WWOX: variants seen among roughly 807,000 people sequenced by gnomAD.
WWOX encodes the protein WW domain-containing oxidoreductase.
Under a neutral mutation model 46.2 loss-of-function variants are expected in WWOX, and 69 were observed. The observed-to-expected ratio is 1.49, with a 90% CI of 1.23 to 1.82. WWOX has a LOEUF of 1.82. Ranked by LOEUF, WWOX falls within the 40% of genes most tolerant of loss-of-function variation. WWOX has a pLI of 0.00. For missense variants in WWOX, 919 were observed against 542.6 expected, an observed-to-expected ratio of 1.69 and a Z score of -6.89; for synonymous variants, 359 against 202.6, an observed-to-expected ratio of 1.77 and a Z score of -6.56.
chr16:78,366,969 ATTTTTTTTTTTTTTTT>A (rs544239767), intron 5 of WWOX, among the ~76,000 whole-genome samples: 1 of 74,260 alleles, frequency 1.3e-5, no homozygotes, highest in African/African-American at 5.9e-5. Flanking sequence ...CAAAAGTTAC[ATTTTTTTTTTTTTTTT>A]TTTTTTTTTT....
intron 8 of WWOX, chr16:78,891,139 C>T (rs1384778458): frequency 6.6e-6 from 1 of 152,108 alleles, no homozygotes. Context: ...TTGTTTAAAT[C>T]TTCCTTTAGT....
intron 8 of WWOX, among the ~76,000 whole-genome samples, chr16:79,103,021 C>T (rs899097761): frequency 1.1e-4 from 16 of 152,126 alleles, no homozygotes; most frequent in Non-Finnish European, 1.3e-4. Flanking sequence ...CTTCCCTCTT[C>T]TTTGTGTCCT....
At chr16:78,485,370 C>T (rs72799963) in intron 8 of WWOX, among the ~76,000 whole-genome samples, 17,989 of 152,028 alleles carry the variant, frequency 0.12, 1,162 homozygotes, top group African/African-American at 0.18. Flanking sequence ...TTTTGACTCC[C>T]TAAGGAACCC....
At chr16:78,989,879 G>A (rs1241066419) in intron 8 of WWOX, among the ~76,000 whole-genome samples, 1 of 148,412 alleles carries the variant, frequency 6.7e-6, no homozygotes, top group Non-Finnish European at 1.5e-5. Flanking sequence ...AGAGACAGAT[G>A]GAGGGAAAGA....
chr16:78,279,512 T>C (rs2079639220), intron 5 of WWOX, among the ~76,000 whole-genome samples: 1 of 152,212 alleles, frequency 6.6e-6, no homozygotes, highest in African/African-American at 2.4e-5. Context: ...TTCAATTTCT[T>C]CAGTTTGAAA....
In WWOX at chr16:78,985,542, GA is replaced by G. The variant is rs1405528860; in HGVS notation, c.1057-226065del. Among the ~76,000 whole-genome samples, 4 of 152,200 alleles carry G rather than the reference GA, an allele frequency of 2.6e-5. No individual in the cohort carries two copies. In the East Asian group the frequency reaches 7.7e-4, roughly 29 times the overall value. Reference sequence around the variant, plus strand: ...CCAGAACGTTGGGAGGCCAAGGTGGGAGGATCACTTGAAGTCAGGAGTTTCA... The same window carrying G: ...CCAGAACGTTGGGAGGCCAAGGTGGGGGATCACTTGAAGTCAGGAGTTTCA... On this transcript the variant is annotated intron_variant, in intron 8 of 8. Coordinates refer to ENST00000566780, the MANE Select transcript of WWOX (RefSeq NM_016373.4).
chr16:78,950,725 C>G (rs182228079), intron 8 of WWOX, among the ~76,000 whole-genome samples: 2 of 152,124 alleles, frequency 1.3e-5, no homozygotes, highest in African/African-American at 4.8e-5. Context: ...TAGACACTCA[C>G]GGTGATAAAA....
intron 5 of WWOX, among the ~76,000 whole-genome samples, chr16:78,203,509 G>C (rs1218792125): frequency 6.6e-6 from 1 of 152,120 alleles, no homozygotes; most frequent in African/African-American, 2.4e-5. Context: ...GGAGATATTC[G>C]ATATGTTTTT....
chr16:78,274,070 A>G (rs1330847657), intron 5 of WWOX, among the ~76,000 whole-genome samples: 1 of 152,036 alleles, frequency 6.6e-6, no homozygotes. Context: ...AAACAAATAC[A>G]CTCCCAAAAC....
intron 8 of WWOX, among the ~76,000 whole-genome samples, chr16:78,872,371 C>G (rs774331651): frequency 6.6e-6 from 1 of 152,066 alleles, no homozygotes; most frequent in Admixed American, 6.5e-5. Flanking sequence ...ATAATTAAAG[C>G]TATTACTAAC....
In WWOX at chr16:78,617,998, G is replaced by A. The variant is rs115443001; in HGVS notation, c.1056+185246G>A. 1.4e-3 allele frequency among the ~76,000 whole-genome samples: 217 copies of A among 152,232 alleles called. 1 individual carries two copies. Among genetic ancestry groups the A allele is most frequent in the African/African-American group, 5.0e-3 (209 of 41,534 alleles). On this transcript the variant is annotated intron_variant, in intron 8 of 8. Transcript: ENST00000566780. The stretch of plus-strand genomic sequence containing the variant: ...CATATGAATAATGTTAACAATTAGT[G>A]TTTATTGAGCACCTGCTATGAGCCA...
chr16:78,412,876 G>A (rs1040141621), intron 6 of WWOX, among the ~76,000 whole-genome samples: 1 of 152,206 alleles, frequency 6.6e-6, no homozygotes, highest in African/African-American at 2.4e-5. Flanking sequence ...AGAGAGACGA[G>A]TGCAACCTGC....
At chr16:79,196,705 C>T (rs891063812) in intron 8 of WWOX, among the ~76,000 whole-genome samples, 1 of 152,074 alleles carries the variant, frequency 6.6e-6, no homozygotes, top group Non-Finnish European at 1.5e-5. Context: ...GATCCTGTCT[C>T]CCCCAATGAG....
intron 5 of WWOX, among the ~76,000 whole-genome samples, chr16:78,178,548 C>T (rs532811852): frequency 8.7e-4 from 133 of 152,262 alleles, no homozygotes; most frequent in African/African-American, 3.0e-3. Flanking sequence ...CTTTCATACC[C>T]GGAATTCGCA....
chr16:78,251,488 G>C (rs1340160926), intron 5 of WWOX, among the ~76,000 whole-genome samples: 3 of 152,128 alleles, frequency 2.0e-5, no homozygotes. Context: ...GCGTCTCTCA[G>C]CTTCTCCTCT....
At chr16:78,207,448 G>A (rs2036428820) in intron 5 of WWOX, among the ~76,000 whole-genome samples, 1 of 151,254 alleles carries the variant, frequency 6.6e-6, no homozygotes, top group Non-Finnish European at 1.5e-5. Flanking sequence ...TTATCTAAGA[G>A]GGCTTGTCTT....
intron 6 of WWOX, among the ~76,000 whole-genome samples, chr16:78,417,799 A>G (rs1002762493): frequency 2.6e-5 from 4 of 152,166 alleles, no homozygotes; most frequent in African/African-American, 9.7e-5. Context: ...CTATTGAGGG[A>G]CTGTGTATTG....
intron 8 of WWOX, among the ~76,000 whole-genome samples, chr16:78,814,376 A>G (rs2051276149): frequency 2.0e-5 from 3 of 152,186 alleles, no homozygotes; most frequent in Non-Finnish European, 4.4e-5. Flanking sequence ...ATCATATTCA[A>G]AAAATACTAT....
chr16:78,675,648 T>C (rs924557181), intron 8 of WWOX, among the ~76,000 whole-genome samples: 8 of 152,088 alleles, frequency 5.3e-5, no homozygotes, highest in Admixed American at 4.6e-4. Flanking sequence ...CCCATCTGTA[T>C]GTCTTTAAAA....
Sources: allele counts gnomAD v4.1 joint callset (sites outside exome capture counted in the v4.1 genomes callset), GRCh38; gene constraint gnomAD v4.1.1; transcripts MANE v1.5; gene names NCBI Gene and HGNC (gene_info 2026-07-23, HGNC 2026-07-21).